TMEM132D: variants seen among roughly 807,000 people sequenced by gnomAD.
TMEM132D encodes mature OL transmembrane protein.
In TMEM132D, 21 loss-of-function variants were observed where a neutral mutation model predicts 62.3. That is an observed-to-expected ratio of 0.34 (90% CI 0.24 to 0.49). TMEM132D has a LOEUF of 0.49. Among genes scored for constraint, TMEM132D ranks in the 20% least tolerant of loss-of-function variants. TMEM132D has a pLI of 0.99. For synonymous variants in TMEM132D, 621 were observed against 575.6 expected (o/e 1.08, Z -1.13); for missense variants, 1,346 against 1,402.8 (o/e 0.96, Z 0.65).
At chr12:129,860,516 ATC>A (rs1873858608) in intron 1 of TMEM132D, among the ~76,000 whole-genome samples, 1 of 152,236 alleles carries the variant, frequency 6.6e-6, no homozygotes, top group Non-Finnish European at 1.5e-5. Context: ...AAACTTCTCA[ATC>A]TCTTAAAGCG....
At chr12:129,512,942 G>A (rs937072075) in intron 3 of TMEM132D, among the ~76,000 whole-genome samples, 3 of 152,162 alleles carry the variant, frequency 2.0e-5, no homozygotes, top group African/African-American at 7.2e-5. Context: ...CAAAAGGAGG[G>A]TTATTGGACT....
chr12:129,267,656 T>C (rs1880731941), intron 4 of TMEM132D, among the ~76,000 whole-genome samples: 1 of 152,176 alleles, frequency 6.6e-6, no homozygotes, highest in South Asian at 2.1e-4. Context: ...TACCAATGAC[T>C]TTCTTCACAG....
chr12:129,396,415 A>G (rs768108228), intron 3 of TMEM132D, among the ~76,000 whole-genome samples: 2 of 152,218 alleles, frequency 1.3e-5, no homozygotes, highest in Admixed American at 6.5e-5. Flanking sequence ...ACCAAGTTCA[A>G]TGGAAGATGA....
In TMEM132D at chr12:129,837,285, G is replaced by A. The variant is rs181982802; in HGVS notation, c.79+65976C>T. On this transcript the variant is annotated intron_variant, in intron 1 of 8. Coordinates refer to ENST00000422113, the MANE Select transcript of TMEM132D (RefSeq NM_133448.3). ...CTCCCTAAAAGAATTTATTCTCAAG[G>A]ATATTCCCTTTTCATGGGAAGTAAG... Among the ~76,000 whole-genome samples the A allele has an allele frequency of 1.6e-3, 244 of 152,216 alleles. 2 individuals carry two copies. The highest frequency in any genetic ancestry group is 6.8e-3 in the Middle Eastern group (2 of 294).
At chr12:129,536,015 T>C (rs1876377556) in intron 2 of TMEM132D, among the ~76,000 whole-genome samples, 1 of 152,190 alleles carries the variant, frequency 6.6e-6, no homozygotes, top group South Asian at 2.1e-4. Flanking sequence ...CTGGCTTTAA[T>C]CAATAACTGA....
chr12:129,640,290 C>T (rs531885609), intron 2 of TMEM132D, among the ~76,000 whole-genome samples: 1 of 152,020 alleles, frequency 6.6e-6, no homozygotes, highest in East Asian at 1.9e-4. Context: ...AAAAAAGCCA[C>T]AGACACAACA....
chr12:129,613,783 G>A (rs1878841230), intron 2 of TMEM132D, among the ~76,000 whole-genome samples: 2 of 151,922 alleles, frequency 1.3e-5, no homozygotes, highest in Non-Finnish European at 2.9e-5. Flanking sequence ...CAAGGTGACT[G>A]TCTCCAGAAC....
chr12:129,421,686 G>C (rs374707347), intron 3 of TMEM132D, among the ~76,000 whole-genome samples: 3 of 152,046 alleles, frequency 2.0e-5, no homozygotes, highest in South Asian at 4.2e-4. Context: ...ACTTTACTTG[G>C]CTATATTTTT....
chr12:129,625,748 C>T (rs1467550123), intron 2 of TMEM132D, among the ~76,000 whole-genome samples: 1 of 152,154 alleles, frequency 6.6e-6, no homozygotes, highest in African/African-American at 2.4e-5. Context: ...GGATTTATTA[C>T]CTTCAACACA....
At chr12:129,520,416 G>T (rs1294021560) in intron 3 of TMEM132D, among the ~76,000 whole-genome samples, 1 of 152,212 alleles carries the variant, frequency 6.6e-6, no homozygotes, top group Non-Finnish European at 1.5e-5. Flanking sequence ...GAATTCATTA[G>T]TAGTGACTCC....
intron 2 of TMEM132D, among the ~76,000 whole-genome samples, chr12:129,664,135 A>G (rs895547493): frequency 6.6e-6 from 1 of 152,336 alleles, no homozygotes; most frequent in African/African-American, 2.4e-5. Flanking sequence ...AATGGAGGTA[A>G]GGAGACTGTA....
At chr12:129,644,678 A>C (rs1420484331) in intron 2 of TMEM132D, among the ~76,000 whole-genome samples, 2 of 152,062 alleles carry the variant, frequency 1.3e-5, no homozygotes, top group Non-Finnish European at 2.9e-5. Context: ...AATGAAGGAA[A>C]TTAAAATATT....
intron 1 of TMEM132D, among the ~76,000 whole-genome samples, chr12:129,837,996 C>A (rs1361150115): frequency 1.3e-5 from 2 of 152,152 alleles, no homozygotes; most frequent in East Asian, 1.9e-4. Context: ...AAGAATAAAG[C>A]AATTGCCCAG....
chr12:129,740,132 C>T (rs1020631815), intron 1 of TMEM132D, among the ~76,000 whole-genome samples: 5 of 152,172 alleles, frequency 3.3e-5, no homozygotes, highest in Non-Finnish European at 7.3e-5. Context: ...TTGACCACTC[C>T]TGCTACCCTG....
At chr12:129,401,007 T>C (rs954599449) in intron 3 of TMEM132D, among the ~76,000 whole-genome samples, 1 of 152,118 alleles carries the variant, frequency 6.6e-6, no homozygotes, top group Non-Finnish European at 1.5e-5. Flanking sequence ...GCTGTGAGAC[T>C]CTCCTCTTCC....
intron 2 of TMEM132D, 34 bp from the exon 3 acceptor site, chr12:129,531,239 C>T: frequency 1.3e-6 from 2 of 1,573,338 alleles, no homozygotes; most frequent in Non-Finnish European, 1.7e-6. Flanking sequence ...TCTGAGTCAG[C>T]TCTGGGGAAT....
intron 4 of TMEM132D, among the ~76,000 whole-genome samples, chr12:129,255,477 G>T (rs1195228543): frequency 6.6e-6 from 1 of 152,174 alleles, no homozygotes; most frequent in Non-Finnish European, 1.5e-5. Context: ...TACAGTGTCA[G>T]CTTTATATAG....
intron 2 of TMEM132D, among the ~76,000 whole-genome samples, chr12:129,643,404 G>A (rs917263231): frequency 2.0e-5 from 3 of 152,132 alleles, no homozygotes; most frequent in African/African-American, 7.2e-5. Flanking sequence ...GAACACAGCC[G>A]TGCCTATGTG....
intron 2 of TMEM132D, among the ~76,000 whole-genome samples, chr12:129,645,177 C>T (rs1416318577): frequency 6.6e-6 from 1 of 151,992 alleles, no homozygotes; most frequent in Non-Finnish European, 1.5e-5. Context: ...GATTGAGAGT[C>T]CGATACCTCT....
Sources: allele counts gnomAD v4.1 joint callset (sites outside exome capture counted in the v4.1 genomes callset), GRCh38; gene constraint gnomAD v4.1.1; transcripts MANE v1.5; gene names NCBI Gene and HGNC (gene_info 2026-07-23, HGNC 2026-07-21).